Variants in TMEM106B observed in about 807,000 individuals in gnomAD.
TMEM106B encodes transmembrane protein 106B.
TMEM106B carries 15 observed loss-of-function variants against 31.1 expected under a neutral mutation model. The ratio of observed to expected loss-of-function variants is 0.48; its 90% CI spans 0.32 to 0.74. The LOEUF (loss-of-function observed/expected upper bound fraction) is 0.74. TMEM106B is among the 30% of genes least tolerant of loss of function. The pLI is 0.03. For missense variants in TMEM106B, 283 were observed against 327.3 expected, an observed-to-expected ratio of 0.86 and a Z score of 1.04; for synonymous variants, 126 against 112.5, an observed-to-expected ratio of 1.12 and a Z score of -0.76.
Position 12,236,334 on chromosome 7 carries a change from T to TAAAA in TMEM106B, c.*4359_*4360insAAAA, listed in dbSNP as rs1322279119. On this transcript the variant is annotated 3_prime_UTR_variant, in exon 8 of 8. Coordinates refer to ENST00000396668, the MANE Select transcript of TMEM106B (RefSeq NM_001134232.2). ...TCCATTTTTAAAAGTAATTTGGTTGTGTTTATAGTTATTTGTACAAGTATT... is the reference window on the plus strand; with the variant it reads ...TCCATTTTTAAAAGTAATTTGGTTGTAAAAGTTTATAGTTATTTGTACAAGTATT... 6.6e-6 allele frequency: 1 copy of TAAAA among 151,918 alleles called. No individual in the cohort carries two copies. Among genetic ancestry groups the TAAAA allele is most frequent in the African/African-American group, 2.4e-5 (1 of 41,420 alleles). 9.4% of individuals were successfully genotyped at this position (151,918 alleles called of 1,614,324 possible). A position where few individuals can be genotyped will look rare whatever the true frequency, so the allele number is the denominator to read the frequency against.
At chr7:12,223,760 G>C (rs188244766) in intron 3 of TMEM106B, among the ~76,000 whole-genome samples, 1 of 139,016 alleles carries the variant, frequency 7.2e-6, no homozygotes, top group African/African-American at 2.8e-5. Context: ...TCGCTCTCTC[G>C]TCCAGGCAGG....
intron 3 of TMEM106B, 96 bp from the exon 4 acceptor site, chr7:12,224,130 T>A: frequency 8.8e-7 from 1 of 1,133,974 alleles, no homozygotes. Flanking sequence ...TATATGTTGC[T>A]GCTGATATAT....
In TMEM106B at chr7:12,229,242, C is replaced by A. The variant is rs144256721; in HGVS notation, c.442-437C>A. On this transcript the variant is annotated intron_variant, in intron 4 of 7. Coordinates refer to ENST00000396668, the MANE Select transcript of TMEM106B (RefSeq NM_001134232.2). ...TTACTTAAGCATGTGAATGATGCAA[C>A]CACATTTCTCCCCAACCAACCAGAC... Among the ~76,000 whole-genome samples the A allele has an allele frequency of 7.8e-3, 1,191 of 152,214 alleles. 3 individuals are homozygous for A. Among genetic ancestry groups the A allele is most frequent in the Non-Finnish European group, 0.01 (696 of 67,970 alleles).
At chr7:12,230,222 GA>G (rs977471959) in intron 5 of TMEM106B, 166 bp from the exon 6 acceptor site, 53 of 661,022 alleles carry the variant, frequency 8.0e-5, no homozygotes, top group Non-Finnish European at 1.2e-4. Context: ...TCTCAAAAAA[GA>G]AAAAAAAGAA....
chr7:12,226,554 G>T (rs1415783982), intron 4 of TMEM106B, among the ~76,000 whole-genome samples: 1 of 152,058 alleles, frequency 6.6e-6, no homozygotes, highest in Non-Finnish European at 1.5e-5. Context: ...AGTGATAGTT[G>T]TTTTTTCTTG....
rs1554311721 is a variant in TMEM106B at position 12,237,849 on chromosome 7, A to ACACACACACG, written c.*5881_*5882insACGCACACAC. 1 of 150,840 alleles carries ACACACACACG rather than the reference A, an allele frequency of 6.6e-6. No individual in the cohort carries two copies. The highest frequency in any genetic ancestry group is 2.4e-5 in the African/African-American group (1 of 40,864). The allele number at this position is 150,840 out of a possible 1,614,324, so 9.3% of individuals were successfully genotyped here. On this transcript the variant is annotated 3_prime_UTR_variant, in exon 8 of 8. Transcript: ENST00000396668. ...CACACACACACACACACACACACAC[A>ACACACACACG]CACACACTATTGCTAAAAAATGTTA... is the stretch of plus-strand genomic sequence containing the variant.
rs538679586 is a variant in TMEM106B, at chr7:12,218,663, T to C, written c.281+142T>C. Reference sequence around the variant, plus strand: ...TTAAATTATGTCATCATATGCTTTGTATCCTTAAACAGACAAGAAAGGATT... The same window carrying C: ...TTAAATTATGTCATCATATGCTTTGCATCCTTAAACAGACAAGAAAGGATT... On this transcript the variant is annotated intron_variant, in intron 3 of 7. Coordinates refer to ENST00000396668, the MANE Select transcript of TMEM106B (RefSeq NM_001134232.2). The C allele has an allele frequency of 4.4e-5, 30 of 682,928 alleles. No homozygotes were observed. In the South Asian group the frequency reaches 6.1e-4, roughly 14 times the overall value. The allele number at this position is 682,928 out of a possible 1,614,324, so 42.3% of individuals were successfully genotyped here.
rs939160311 is a variant in TMEM106B at position 12,237,216 on chromosome 7, T to G, written c.*5241T>G. 1 of 152,148 alleles carries G rather than the reference T, an allele frequency of 6.6e-6. No homozygotes were observed. Among genetic ancestry groups the G allele is most frequent in the Non-Finnish European group, 1.5e-5 (1 of 67,996 alleles). 9.4% of individuals were successfully genotyped at this position (152,148 alleles called of 1,614,324 possible). On this transcript the variant is annotated 3_prime_UTR_variant, in exon 8 of 8. Transcript: ENST00000396668. The stretch of plus-strand genomic sequence containing the variant: ...TGTAGTTGTGTATGACGCAATAAAA[T>G]TTGTAAAAAAATTTCAGCATGAAAA...
chr7:12,230,063 C>G (rs1369188864), intron 5 of TMEM106B, among the ~76,000 whole-genome samples: 12 of 149,848 alleles, frequency 8.0e-5, no homozygotes. Context: ...CAAAAAAATA[C>G]AAAAATGTGC....
rs1367824163 is a variant in TMEM106B at position 12,240,782 on chromosome 7, G to A, written c.*8807G>A. 1 of 151,594 alleles carries A rather than the reference G, an allele frequency of 6.6e-6. No individual in the cohort carries two copies. The highest frequency in any genetic ancestry group is 6.6e-5 in the Admixed American group (1 of 15,086). The allele number at this position is 151,594 out of a possible 1,614,324, so 9.4% of individuals were successfully genotyped here. A position where few individuals can be genotyped will look rare whatever the true frequency, so the allele number is the denominator to read the frequency against. The stretch of plus-strand genomic sequence containing the variant: ...AGCATCTTATGAGGAACCTTGATAT[G>A]TGACAAAACAGATGCTTTGATTTGA... On this transcript the variant is annotated 3_prime_UTR_variant, in exon 8 of 8. Coordinates refer to ENST00000396668, the MANE Select transcript of TMEM106B (RefSeq NM_001134232.2).
chr7:12,212,878 T>G (rs1190716731), intron 1 of TMEM106B, among the ~76,000 whole-genome samples: 1 of 152,214 alleles, frequency 6.6e-6, no homozygotes, highest in East Asian at 1.9e-4. Flanking sequence ...AGAAATACTA[T>G]CTGTCTGAAT....
chr7:12,231,647 C>G, intron 7 of TMEM106B, 190 bp from the exon 8 acceptor site: 1 of 465,074 alleles, frequency 2.2e-6, no homozygotes, highest in Non-Finnish European at 3.8e-6. Context: ...GTCTACAGGG[C>G]TCACTCAGCT....
rs1034980267 is a variant in TMEM106B at position 12,236,687 on chromosome 7, A to G, written c.*4712A>G. The G allele has an allele frequency of 3.5e-4, 54 of 152,188 alleles. No individual in the cohort carries two copies. Among genetic ancestry groups the G allele is most frequent in the African/African-American group, 1.2e-3 (51 of 41,580 alleles). The allele number at this position is 152,188 out of a possible 1,614,324, so 9.4% of individuals were successfully genotyped here. A position where few individuals can be genotyped will look rare whatever the true frequency, so the allele number is the denominator to read the frequency against. ...CTAGAAGTCTGGGAGGTACTATATC[A>G]GCTGTAGTTGGGTAATTCCAAGTGC... On this transcript the variant is annotated 3_prime_UTR_variant, in exon 8 of 8. Transcript: ENST00000396668.
At chr7:12,216,537 C>T (rs1781689982) in intron 2 of TMEM106B, among the ~76,000 whole-genome samples, 1 of 152,104 alleles carries the variant, frequency 6.6e-6, no homozygotes, top group African/African-American at 2.4e-5. Flanking sequence ...CAGCGCCCAG[C>T]CTCAAGTTAC....
intron 2 of TMEM106B, among the ~76,000 whole-genome samples, chr7:12,217,839 G>T (rs1471924073): frequency 6.6e-6 from 1 of 152,050 alleles, no homozygotes; most frequent in South Asian, 2.1e-4. Context: ...TATAAAATTG[G>T]CATTTAAAGG....
chr7:12,224,967 A>T (rs1401197532), intron 4 of TMEM106B, among the ~76,000 whole-genome samples: 2 of 151,964 alleles, frequency 1.3e-5, no homozygotes, highest in Non-Finnish European at 2.9e-5. Flanking sequence ...TGCTGCACCC[A>T]TTAACTCATC....
chr7:12,232,954 T>A lies in TMEM106B; in HGVS notation c.*979T>A, dbSNP rs993978133. On this transcript the variant is annotated 3_prime_UTR_variant, in exon 8 of 8. Transcript: ENST00000396668. ...GAATGGTGTAGACATGTTTTGCAAC[T>A]GTTAGGTACCCAGTTATCAATTTTA... 1 of 151,772 alleles carries A rather than the reference T, an allele frequency of 6.6e-6. No homozygotes were observed. The highest frequency in any genetic ancestry group is 1.5e-5 in the Non-Finnish European group (1 of 67,746). The allele number at this position is 151,772 out of a possible 1,614,324, so 9.4% of individuals were successfully genotyped here. A position where few individuals can be genotyped will look rare whatever the true frequency, so the allele number is the denominator to read the frequency against.
chr7:12,238,731 G>C lies in TMEM106B; in HGVS notation c.*6756G>C, dbSNP rs944015873. 6.6e-6 allele frequency: 1 copy of C among 152,132 alleles called. No individual in the cohort carries two copies. The highest frequency in any genetic ancestry group is 2.4e-5 in the African/African-American group (1 of 41,434). 9.4% of individuals were successfully genotyped at this position (152,132 alleles called of 1,614,324 possible). A position where few individuals can be genotyped will look rare whatever the true frequency, so the allele number is the denominator to read the frequency against. On this transcript the variant is annotated 3_prime_UTR_variant, in exon 8 of 8. Coordinates refer to ENST00000396668, the MANE Select transcript of TMEM106B (RefSeq NM_001134232.2). ...GAGCTGTTGGGTGACCAGGTACATT[G>C]TCAATGAGTAGTAATACTTTGAAAG...
intron 3 of TMEM106B, among the ~76,000 whole-genome samples, chr7:12,218,803 A>G (rs111529840): frequency 4.6e-4 from 70 of 152,222 alleles, no homozygotes; most frequent in African/African-American, 1.6e-3. Context: ...TTCATTAAAA[A>G]TTGGATAATA....
Sources: gnomAD v4.1 joint callset for allele counts (sites outside exome capture counted in the v4.1 genomes callset) on GRCh38, gnomAD v4.1.1 for gene constraint, MANE v1.5 for transcripts, NCBI Gene and HGNC (gene_info 2026-07-23, HGNC 2026-07-21) for gene names.